The following PPP2R5C variants were observed in gnomAD, a reference collection of about 807,000 sequenced individuals.
The protein encoded by PPP2R5C is serine/threonine-protein phosphatase 2A 56 kDa regulatory subunit gamma isoform.
In PPP2R5C, 7 loss-of-function variants were observed where a neutral mutation model predicts 68.9. That is an observed-to-expected ratio of 0.10 (90% confidence interval 0.06 to 0.19). The LOEUF (loss-of-function observed/expected upper bound fraction) is 0.19, where lower values mean the gene tolerates loss of function less well. PPP2R5C is among the 10% of genes least tolerant of loss of function. The pLI is 1.00. For synonymous variants in PPP2R5C, 210 were observed against 222.2 expected, an observed-to-expected ratio of 0.95 and a Z score of 0.49; for missense variants, 348 against 641.3, an observed-to-expected ratio of 0.54 and a Z score of 4.94.
chr14:101,768,847 C>A (rs796191115), intron 2 of PPP2R5C, among the ~76,000 whole-genome samples: 1 of 146,094 alleles, frequency 6.8e-6, no homozygotes, highest in Non-Finnish European at 1.5e-5. Flanking sequence ...TTTTTTGAGA[C>A]GGAGTCTTGC....
upstream of PPP2R5C, chr14:101,760,638 G>C (rs544364065): frequency 1.2e-6 from 1 of 841,502 alleles, no homozygotes; most frequent in South Asian, 5.8e-5. Context: ...GACCTTGCGG[G>C]AGAAACTGCG....
rs552134369 is a variant in PPP2R5C at position 101,925,043 on chromosome 14, A to T, written c.1444-98A>T. On this transcript the variant is annotated intron_variant, in intron 13 of 13. Coordinates refer to ENST00000334743, the Ensembl canonical transcript of PPP2R5C. Reference sequence around the variant, plus strand: ...TGCCGCCAGCGAGTGGGTGAGGCACACGTGCCTCGCGGTTATCCTTTGACT... The same window carrying T: ...TGCCGCCAGCGAGTGGGTGAGGCACTCGTGCCTCGCGGTTATCCTTTGACT... The T allele has an allele frequency of 3.8e-4, 521 of 1,367,904 alleles. 2 individuals carry two copies. In the African/African-American group the frequency reaches 6.7e-3, roughly 18 times the overall value. The allele number at this position is 1,367,904 out of a possible 1,614,324, so 84.7% of individuals were successfully genotyped here. A position where few individuals can be genotyped will look rare whatever the true frequency, so the allele number is the denominator to read the frequency against.
chr14:101,768,255 C>T (rs1242757666), intron 2 of PPP2R5C, among the ~76,000 whole-genome samples: 2 of 152,154 alleles, frequency 1.3e-5, no homozygotes, highest in Non-Finnish European at 2.9e-5. Context: ...TGTACATTTG[C>T]TTACAAACCA....
intron 2 of PPP2R5C, 115 bp downstream of exon 4, chr14:101,857,000 T>C: frequency 1.0e-6 from 1 of 993,848 alleles, no homozygotes; most frequent in Non-Finnish European, 1.5e-6. Context: ...TGTTCCAGAA[T>C]TTGTAGTTGT....
intron 1 of PPP2R5C, 55 bp from the exon 4 acceptor site, chr14:101,856,631 A>G (rs962907813): frequency 6.8e-5 from 100 of 1,472,048 alleles, no homozygotes; most frequent in Non-Finnish European, 8.6e-5. Flanking sequence ...GTGTTTCACA[A>G]TAACTTTGGG....
intron 1 of PPP2R5C, among the ~76,000 whole-genome samples, chr14:101,817,763 G>T (rs1023111319): frequency 1.4e-5 from 2 of 144,614 alleles, no homozygotes; most frequent in Non-Finnish European, 3.0e-5. Flanking sequence ...TCTAGAAATG[G>T]AACGTGAAAT....
chr14:101,899,427 C>G lies in PPP2R5C; in HGVS notation c.853-2292C>G, dbSNP rs1032287189. Among the ~76,000 whole-genome samples, 3 of 152,232 alleles carry G rather than the reference C, an allele frequency of 2.0e-5. No homozygotes were observed. Among genetic ancestry groups the G allele is most frequent in the African/African-American group, 7.2e-5 (3 of 41,466 alleles). ...TTGTGCTGCACCCAGCAGCACACAG[C>G]CATTGTTGCCTCGGATTCACATTCC... On this transcript the variant is annotated intron_variant, in intron 8 of 13. Transcript: ENST00000334743. The surrounding 1 kb of genome is among the most constrained non-coding windows in gnomAD (Gnocchi z 4.2).
At position 101,909,497 on chromosome 14, in the gene PPP2R5C, G is replaced by A. The variant is rs569622164; in HGVS notation, c.1152-92G>A. 129 of 776,862 alleles carry A rather than the reference G, an allele frequency of 1.7e-4. 1 individual carries two copies. The highest frequency in any genetic ancestry group is 2.6e-4 in the Non-Finnish European group (120 of 456,786). 48.1% of individuals were successfully genotyped at this position (776,862 alleles called of 1,614,324 possible). ...ACCTTAGGGATCCTGTGCGATGTGG[G>A]ACTGTTGGAATATGGAGCAGCCTGA... On this transcript the variant is annotated intron_variant, in intron 10 of 13. Transcript: ENST00000334743.
intron 2 of PPP2R5C, 46 bp downstream of exon 4, chr14:101,856,931 A>G (rs75723864): frequency 0.025 from 38,889 of 1,568,172 alleles, 1,653 homozygotes; most frequent in African/African-American, 0.19. Flanking sequence ...CTGATTTATA[A>G]ACAGGACAGG....
chr14:101,783,495 A>C (rs942730027), intron 2 of PPP2R5C, among the ~76,000 whole-genome samples: 10 of 151,888 alleles, frequency 6.6e-5, no homozygotes, highest in Admixed American at 3.3e-4. Flanking sequence ...CAGAGCAGGC[A>C]GACTGGCTCC....
intron 1 of PPP2R5C, among the ~76,000 whole-genome samples, chr14:101,847,760 T>C (rs1432809488): frequency 6.6e-6 from 1 of 150,724 alleles, no homozygotes; most frequent in Non-Finnish European, 1.5e-5. Context: ...CCTCCTGGGT[T>C]CAAGCGATTC....
chr14:101,815,651 T>C (rs2039613646), intron 1 of PPP2R5C, among the ~76,000 whole-genome samples: 1 of 152,194 alleles, frequency 6.6e-6, no homozygotes. Flanking sequence ...CTCTGAGTGA[T>C]CACTCAGGAA....
chr14:101,849,783 C>T (rs573505882), intron 1 of PPP2R5C, among the ~76,000 whole-genome samples: 12 of 135,878 alleles, frequency 8.8e-5, no homozygotes, highest in Admixed American at 4.4e-4. Flanking sequence ...GTTGAAAGGC[C>T]GACTTTTCCT....
rs1382279791 is a variant in PPP2R5C, at chr14:101,882,773, A to G, written c.406-484A>G. The G allele has an allele frequency of 6.2e-6, 1 of 162,598 alleles. No homozygotes were observed. Among genetic ancestry groups the G allele is most frequent in the Admixed American group, 6.2e-5 (1 of 16,208 alleles). 10.1% of individuals were successfully genotyped at this position (162,598 alleles called of 1,614,324 possible). ...GGCGGCCCACGCTGTCCCACCCAGC[A>G]TGTCTGCACAGGGAAAGAATTGTCC... is the stretch of plus-strand genomic sequence containing the variant. On this transcript the variant is annotated intron_variant, in intron 3 of 13. Transcript: ENST00000334743. This position sits in a 1 kb window ranked among gnomAD's most constrained non-coding sequence, Gnocchi z 4.9.
At chr14:101,844,670 AGT>A (rs1195578699) in intron 1 of PPP2R5C, among the ~76,000 whole-genome samples, 1 of 152,188 alleles carries the variant, frequency 6.6e-6, no homozygotes, top group Non-Finnish European at 1.5e-5. Context: ...GGCCTGGAAA[AGT>A]GTGTGTATTT....
At chr14:101,828,803 G>A (rs1057281193) in intron 1 of PPP2R5C, among the ~76,000 whole-genome samples, 14 of 150,420 alleles carry the variant, frequency 9.3e-5, no homozygotes, top group African/African-American at 2.2e-4. Flanking sequence ...TCAGCCTCCC[G>A]AGCAACTGAG....
upstream of PPP2R5C, chr14:101,760,680 G>A (rs2036449201): frequency 1.0e-6 from 1 of 952,758 alleles, no homozygotes; most frequent in Admixed American, 7.0e-5. Context: ...GGGGCGGGCT[G>A]TCGGATGGGC....
chr14:101,861,784 C>T (rs1164429907), intron 2 of PPP2R5C, among the ~76,000 whole-genome samples: 3 of 152,120 alleles, frequency 2.0e-5, no homozygotes, highest in Middle Eastern at 3.2e-3. Flanking sequence ...ACAGACAAAC[C>T]AGTTATTCGG....
intron 2 of PPP2R5C, among the ~76,000 whole-genome samples, chr14:101,875,517 G>A (rs1016120557): frequency 3.9e-5 from 6 of 152,108 alleles, no homozygotes; most frequent in East Asian, 1.9e-4. Context: ...TGACTGATGC[G>A]TGCTTTTCCC....
Sources: gnomAD v4.1 joint callset for allele counts (sites outside exome capture counted in the v4.1 genomes callset) on GRCh38, gnomAD v4.1.1 for gene constraint, Gnocchi (gnomAD v3.1) non-coding constraint, MANE v1.5 for transcripts, NCBI Gene and HGNC (gene_info 2026-07-23, HGNC 2026-07-21) for gene names.